The following ZNF81 variants were observed in gnomAD, a reference collection of about 807,000 sequenced individuals.
The protein encoded by ZNF81 is zinc finger protein 81.
ZNF81 carries 5 observed loss-of-function variants against 32.3 expected under a neutral mutation model. The observed-to-expected ratio is 0.15, with a 90% confidence interval of 0.08 to 0.33. The LOEUF (loss-of-function observed/expected upper bound fraction) is 0.33, where lower values mean the gene tolerates loss of function less well. ZNF81 is among the 10% of genes least tolerant of loss of function. The pLI is 1.00. For missense variants in ZNF81, 379 were observed against 479.8 expected (o/e 0.79, Z 1.96); for synonymous variants, 163 against 166.8 (o/e 0.98, Z 0.17).
rs888330149 is a variant in ZNF81, at chrX:47,917,544, C to T, written c.*912C>T. On this transcript the variant is annotated 3_prime_UTR_variant, in exon 5 of 5. Transcript: ENST00000338637. The stretch of plus-strand genomic sequence containing the variant: ...ACCCTCTCTTGCTGCTCTTTGCAAA[C>T]CTGAAGAATCTCAAATTGCCCTACT... The T allele has an allele frequency of 1.2e-5, 3 of 254,993 alleles. No homozygotes were observed. The highest frequency in any genetic ancestry group is 2.1e-5 in the Non-Finnish European group (3 of 143,021). 21.0% of individuals were successfully genotyped at this position (254,993 alleles called of 1,213,427 possible).
chrX:47,899,282 G>A (rs2058690341), intron 4 of ZNF81, among the ~76,000 whole-genome samples: 1 of 34,656 alleles, frequency 2.9e-5, no homozygotes, highest in Admixed American at 5.6e-4. Flanking sequence ...ATCCTAGCTT[G>A]TTTCATAGTT....
intron 2 of ZNF81, among the ~76,000 whole-genome samples, chrX:47,873,210 T>G (rs2058586856): frequency 8.9e-6 from 1 of 111,860 alleles, no homozygotes; most frequent in African/African-American, 3.3e-5. Context: ...ATGGGAACTG[T>G]GGAGGGAAAG....
chrX:47,856,932 C>T (rs782309082), intron 2 of ZNF81, among the ~76,000 whole-genome samples: 80 of 110,748 alleles, frequency 7.2e-4, no homozygotes, highest in Non-Finnish European at 1.2e-3. Flanking sequence ...CGTGATACAG[C>T]GAGACTCCTT....
intron 2 of ZNF81, among the ~76,000 whole-genome samples, chrX:47,876,762 C>T (rs781906935): frequency 2.4e-4 from 27 of 112,436 alleles, no homozygotes; most frequent in Non-Finnish European, 2.6e-4. Flanking sequence ...TGGTGGGAAT[C>T]CCCTGTCAGC....
At position 47,919,126 on chromosome X, in the gene ZNF81, T is replaced by C; in HGVS notation, c.*2494T>C. On this transcript the variant is annotated 3_prime_UTR_variant, in exon 5 of 5. Coordinates refer to ENST00000338637, the MANE Select transcript of ZNF81 (RefSeq NM_007137.5). ...TTTTGGATGAGAAATTTGGAGGTCC[T>C]GGAATAGGGGTGAACACATTTTGCA... The C allele has an allele frequency of 3.1e-6, 1 of 326,412 alleles. No individual in the cohort carries two copies. Among genetic ancestry groups the C allele is most frequent in the Non-Finnish European group, 5.9e-6 (1 of 168,112 alleles). The allele number at this position is 326,412 out of a possible 1,213,427, so 26.9% of individuals were successfully genotyped here.
At chrX:47,850,889 GCGCA>G (rs1267727733) in intron 2 of ZNF81, among the ~76,000 whole-genome samples, 1,155 of 26,978 alleles carry the variant, frequency 0.043, 23 homozygotes, top group African/African-American at 0.081. Flanking sequence ...ACAGGCACGC[GCGCA>G]CACACACACA....
At position 47,915,229 on chromosome X, in the gene ZNF81, T is replaced by C; in HGVS notation, c.583T>C (p.Phe195Leu). Residue 195 changes from phenylalanine to leucine, a missense_variant, in exon 5 of 5, where the codon TTT becomes CTT. Around this residue, in one of 2 missense-constraint regions of ZNF81, gnomAD observed 277 missense variants for 306.6 expected, o/e 0.90. Transcript: ENST00000338637. ...GAAAAGACCCCATAAACGTGATTCA[T>C]TTGGGAAGAGTTTTAAGCATAATTT... is the stretch of plus-strand genomic sequence containing the variant. Reference protein sequence around the residue: ...SQKRPHKRDSFGKSFKHNLDL... With the variant: ...SQKRPHKRDSLGKSFKHNLDL... The C allele has an allele frequency of 8.3e-7, 1 of 1,209,881 alleles. No homozygotes were observed. The highest frequency in any genetic ancestry group is 1.1e-6 in the Non-Finnish European group (1 of 894,367).
intron 4 of ZNF81, among the ~76,000 whole-genome samples, chrX:47,907,136 A>G (rs949931982): frequency 8.4e-5 from 8 of 95,469 alleles, no homozygotes; most frequent in Admixed American, 4.8e-4. Context: ...ACATACGACC[A>G]GGCCCTATAG....
At chrX:47,881,928 C>T (rs1156593525) in intron 2 of ZNF81, among the ~76,000 whole-genome samples, 2 of 111,853 alleles carry the variant, frequency 1.8e-5, no homozygotes, top group Non-Finnish European at 3.8e-5. Context: ...AGGCTTATAT[C>T]ACCATGCCTG....
At chrX:47,909,960 A>C (rs1234834098) in intron 4 of ZNF81, among the ~76,000 whole-genome samples, 1 of 111,238 alleles carries the variant, frequency 9.0e-6, no homozygotes, top group Admixed American at 9.6e-5. Context: ...ATGGCTGCAT[A>C]GTATTCCATG....
intron 1 of ZNF81, among the ~76,000 whole-genome samples, chrX:47,842,380 TG>T (rs1308436031): frequency 2.7e-5 from 3 of 111,259 alleles, no homozygotes; most frequent in African/African-American, 9.8e-5. Context: ...CATATTGTTT[TG>T]GCGGGGGGAG....
At chrX:47,844,859 T>C (rs1345188788) in intron 1 of ZNF81, among the ~76,000 whole-genome samples, 1 of 112,601 alleles carries the variant, frequency 8.9e-6, no homozygotes, top group African/African-American at 3.2e-5. Flanking sequence ...CTTTTCTTCT[T>C]ATGTTAGCCA....
chrX:47,910,122 C>T (rs782062609), intron 4 of ZNF81, among the ~76,000 whole-genome samples: 3 of 111,380 alleles, frequency 2.7e-5, no homozygotes, highest in African/African-American at 9.8e-5. Flanking sequence ...GGGTATACAC[C>T]CAGTAATGGG....
chrX:47,904,616 G>C lies in ZNF81; in HGVS notation c.277+8676G>C, dbSNP rs782021027. Among the ~76,000 whole-genome samples, 319 of 111,541 alleles carry C rather than the reference G, an allele frequency of 2.9e-3. 3 individuals carry two copies. Among genetic ancestry groups the C allele is most frequent in the African/African-American group, 9.8e-3 (302 of 30,714 alleles). ...AGGAACATTTTTACACTGTTGGTGG[G>C]ACTGTAAACTAGTTCAACCATTGTG... On this transcript the variant is annotated intron_variant, in intron 4 of 4. Coordinates refer to ENST00000338637, the MANE Select transcript of ZNF81 (RefSeq NM_007137.5).
intron 2 of ZNF81, among the ~76,000 whole-genome samples, chrX:47,866,721 A>G (rs1382621212): frequency 3.6e-5 from 4 of 111,615 alleles, no homozygotes; most frequent in Non-Finnish European, 7.5e-5. Context: ...CCAGGGTGAC[A>G]GGGAGATAGG....
Position 47,915,284 on chromosome X carries a change from C to A in ZNF81, c.638C>A (p.Ala213Glu), listed in dbSNP as rs537825. ...TTACATATTCATAATAAAAGCAATG[C>A]AGCAAAGAACCTGGATAAAACTATT... ...LDLHIHNKSN[A>E]AKNLDKTIGH... Residue 213 changes from alanine to glutamate, a missense_variant, in exon 5 of 5, where the codon GCA becomes GAA. Physicochemically the swap from Ala to Glu is moderately radical, Grantham distance 107. Transcript: ENST00000338637. The A allele has an allele frequency of 0.01, 12,694 of 1,209,488 alleles. 847 individuals carry two copies. In the African/African-American group the frequency reaches 0.19, roughly 18 times the overall value.
At chrX:47,844,728 T>C (rs782807146) in intron 1 of ZNF81, among the ~76,000 whole-genome samples, 46 of 112,142 alleles carry the variant, frequency 4.1e-4, no homozygotes, top group Non-Finnish European at 6.0e-4. Context: ...ATGGTGACTT[T>C]ATGGTTGATA....
intron 1 of ZNF81, among the ~76,000 whole-genome samples, chrX:47,843,688 T>C (rs1210044952): frequency 3.6e-5 from 4 of 111,453 alleles, no homozygotes; most frequent in Non-Finnish European, 1.9e-5. Context: ...CATGCCTGGC[T>C]AATTTTTCTA....
At chrX:47,862,546 A>G (rs1232545164) in intron 2 of ZNF81, among the ~76,000 whole-genome samples, 23 of 110,333 alleles carry the variant, frequency 2.1e-4, no homozygotes, top group African/African-American at 6.9e-4. Flanking sequence ...AAAGAAAAAG[A>G]AAAAAGAAAA....
Sources: gnomAD v4.1 joint callset for allele counts (sites outside exome capture counted in the v4.1 genomes callset) on GRCh38, gnomAD v4.1.1 for gene constraint, gnomAD v4.1.1 regional missense constraint, MANE v1.5 for transcripts, NCBI Gene and HGNC (gene_info 2026-07-23, HGNC 2026-07-21) for gene names.